The following KLHL22 variants were observed in gnomAD, a reference collection of about 807,000 sequenced individuals.
KLHL22 encodes kelch like family member 22.
A neutral mutation model predicts 60.7 loss-of-function variants in KLHL22; 18 were observed. The ratio of observed to expected loss-of-function variants is 0.30; its 90% confidence interval spans 0.20 to 0.44. The LOEUF (loss-of-function observed/expected upper bound fraction) is 0.44, where lower values mean the gene tolerates loss of function less well. Ranked by LOEUF, KLHL22 falls within the 20% of genes least tolerant of loss-of-function variation. KLHL22 has a pLI of 1.00. For missense variants in KLHL22, 596 were observed against 852.3 expected (o/e 0.70, Z 3.74); for synonymous variants, 355 against 354.5 (o/e 1.00, Z -0.01).
At chr22:20,489,933 A>C in intron 1 of KLHL22, 1 of 380,650 alleles carries the variant, frequency 2.6e-6, no homozygotes, top group East Asian at 7.7e-5. Context: ...TTTAAATTAA[A>C]GATTATCTTC....
At chr22:20,448,424 TG>T (rs1166994381) in intron 5 of KLHL22, among the ~76,000 whole-genome samples, 31 of 152,228 alleles carry the variant, frequency 2.0e-4, no homozygotes, top group Non-Finnish European at 2.1e-4. Flanking sequence ...TACCAATAGT[TG>T]GTTCCTTTTC....
intron 6 of KLHL22, among the ~76,000 whole-genome samples, chr22:20,442,846 A>G (rs763398796): frequency 1.3e-5 from 2 of 152,284 alleles, no homozygotes; most frequent in Admixed American, 1.3e-4. Flanking sequence ...CCTGAGAGAC[A>G]TGGACTCCAC....
chr22:20,466,372 TAAAAAAA>T (rs361874), intron 3 of KLHL22, among the ~76,000 whole-genome samples: 1 of 70,618 alleles, frequency 1.4e-5, no homozygotes, highest in South Asian at 6.7e-4. Context: ...AGACTCCGTC[TAAAAAAA>T]AAAAAAAAAA....
rs1330044830 is a variant in KLHL22 at position 20,457,831 on chromosome 22, A to G, written c.1282T>C (p.Tyr428His). The part of the protein sequence containing the change: ...RYDPATNSWA[Y>H]VAPLKREVYA... ...ACCTCCCTCTTGAGTGGGGCCACGT[A>G]TGCCCAGGAGTTGGTGGCAGGGTCG... The change falls in exon 5 of 7, where the codon TAC (tyrosine) becomes CAC (histidine). Residue 428 changes from tyrosine (Y) to histidine (H), a missense_variant. Coordinates refer to ENST00000328879, the MANE Select transcript of KLHL22 (RefSeq NM_032775.4). 6 of 1,606,070 alleles carry G rather than the reference A, an allele frequency of 3.7e-6. No individual in the cohort carries two copies. The highest frequency in any genetic ancestry group is 5.1e-6 in the Non-Finnish European group (6 of 1,176,264).
chr22:20,461,213 A>G (rs1027305556), intron 4 of KLHL22, among the ~76,000 whole-genome samples: 13 of 152,232 alleles, frequency 8.5e-5, no homozygotes, highest in African/African-American at 2.7e-4. Context: ...AAACTCAGAC[A>G]TGAACCCTAG....
rs139569781 is a variant in KLHL22 at position 20,486,822 on chromosome 22, C to T, written c.227+2163G>A. On this transcript the variant is annotated intron_variant, in intron 2 of 6. Coordinates refer to ENST00000328879, the MANE Select transcript of KLHL22 (RefSeq NM_032775.4). ...TCAGCCTCCTGAGTAGCTGGGATTA[C>T]AGGCATGTGCTACCACGCCCAGCTA... is the stretch of plus-strand genomic sequence containing the variant. Among the ~76,000 whole-genome samples, 973 of 152,008 alleles carry T rather than the reference C, an allele frequency of 6.4e-3. 18 individuals are homozygous for T. Among genetic ancestry groups the T allele is most frequent in the African/African-American group, 0.022 (922 of 41,438 alleles).
At chr22:20,476,690 G>A (rs1434738637) in intron 2 of KLHL22, among the ~76,000 whole-genome samples, 4 of 149,458 alleles carry the variant, frequency 2.7e-5, no homozygotes, top group African/African-American at 4.9e-5. Flanking sequence ...TGGTATTACA[G>A]GCGTGAGCCA....
At chr22:20,470,818 GGAT>G in intron 3 of KLHL22, among the ~76,000 whole-genome samples, 1 of 144,726 alleles carries the variant, frequency 6.9e-6, no homozygotes. Context: ...ATGGATGGAT[GGAT>G]GGATGGATGC....
At chr22:20,480,975 G>A (rs2053490270) in intron 2 of KLHL22, among the ~76,000 whole-genome samples, 1 of 151,590 alleles carries the variant, frequency 6.6e-6, no homozygotes, top group Non-Finnish European at 1.5e-5. Flanking sequence ...GGGACTACAG[G>A]CACCCGCCAC....
intron 2 of KLHL22, chr22:20,482,762 C>G: frequency 1.2e-6 from 1 of 831,930 alleles, no homozygotes; most frequent in Non-Finnish European, 1.9e-6. Context: ...TTTTTGACCT[C>G]TGAACTTTTT....
intron 2 of KLHL22, chr22:20,483,244 T>C: frequency 2.9e-6 from 2 of 692,604 alleles, no homozygotes; most frequent in East Asian, 2.8e-5. Context: ...AGTTCCAACC[T>C]CAGTGGACTG....
At chr22:20,445,502 G>A (rs1047643782) in intron 6 of KLHL22, among the ~76,000 whole-genome samples, 14 of 152,248 alleles carry the variant, frequency 9.2e-5, no homozygotes, top group Admixed American at 1.3e-4. Flanking sequence ...CACCGCGCCC[G>A]GCCACCCATC....
At chr22:20,470,813 T>C (rs2053311660) in intron 3 of KLHL22, among the ~76,000 whole-genome samples, 1 of 144,046 alleles carries the variant, frequency 6.9e-6, no homozygotes, top group African/African-American at 2.9e-5. Flanking sequence ...GATGGATGGA[T>C]GGATGGATGG....
At chr22:20,451,756 T>TG in intron 5 of KLHL22, 5 of 1,572,974 alleles carry the variant, frequency 3.2e-6, no homozygotes, top group African/African-American at 1.3e-5. Context: ...CATCAACAGC[T>TG]GGGAAGTCGT....
At position 20,495,069 on chromosome 22, in the gene KLHL22, G is replaced by A. The variant is rs2053748199; in HGVS notation, c.-34+691C>T. ...GTGCGCTCTGGAAGAATCTCCCAGGGAGCCGTCTTGGAGGCACTCGGCCCC... is the reference window on the plus strand; with the variant it reads ...GTGCGCTCTGGAAGAATCTCCCAGGAAGCCGTCTTGGAGGCACTCGGCCCC... On this transcript the variant is annotated intron_variant, in intron 1 of 6. Coordinates refer to ENST00000328879, the MANE Select transcript of KLHL22 (RefSeq NM_032775.4). The surrounding 1 kb of genome is among the most constrained non-coding windows in gnomAD (Gnocchi z 4.6). 6.6e-6 allele frequency among the ~76,000 whole-genome samples: 1 copy of A among 152,198 alleles called. No individual in the cohort carries two copies. The highest frequency in any genetic ancestry group is 6.5e-5 in the Admixed American group (1 of 15,274).
At chr22:20,490,800 G>A (rs899087047) in intron 1 of KLHL22, among the ~76,000 whole-genome samples, 5 of 152,326 alleles carry the variant, frequency 3.3e-5, no homozygotes, top group Non-Finnish European at 7.4e-5. Flanking sequence ...CTGACAGGAG[G>A]TGGAGCTCAG....
At position 20,441,715 on chromosome 22, in the gene KLHL22, CTA is replaced by C. The variant is rs2052760097; in HGVS notation, c.*356_*357del. 1 of 222,314 alleles carries C rather than the reference CTA, an allele frequency of 4.5e-6. No homozygotes were observed. The highest frequency in any genetic ancestry group is 9.5e-6 in the Non-Finnish European group (1 of 105,006). 13.8% of individuals were successfully genotyped at this position (222,314 alleles called of 1,614,324 possible). A position where few individuals can be genotyped will look rare whatever the true frequency, so the allele number is the denominator to read the frequency against. ...CCCCACCCCATTCACAGAAAGAGGG[CTA>C]CCACGTGCCTCAGCCCCCCTGCCCA... On this transcript the variant is annotated 3_prime_UTR_variant, in exon 7 of 7. Coordinates refer to ENST00000328879, the MANE Select transcript of KLHL22 (RefSeq NM_032775.4).
intron 2 of KLHL22, 164 bp downstream of exon 2, chr22:20,488,821 G>C (rs1305575895): frequency 3.1e-6 from 2 of 639,878 alleles, no homozygotes; most frequent in African/African-American, 1.8e-5. Flanking sequence ...TGAACTCTAA[G>C]ACCCCCTTCT....
intron 3 of KLHL22, among the ~76,000 whole-genome samples, chr22:20,469,433 G>GC (rs1357317379): frequency 6.6e-6 from 1 of 152,180 alleles, no homozygotes; most frequent in Non-Finnish European, 1.5e-5. Context: ...CTGGACCTGA[G>GC]CCATGCTGGG....
Sources: gnomAD v4.1 joint callset for allele counts (sites outside exome capture counted in the v4.1 genomes callset) on GRCh38, gnomAD v4.1.1 for gene constraint, Gnocchi (gnomAD v3.1) non-coding constraint, MANE v1.5 for transcripts, NCBI Gene and HGNC (gene_info 2026-07-23, HGNC 2026-07-21) for gene names.